GLT1D1: variants seen among roughly 807,000 people sequenced by gnomAD.
The protein encoded by GLT1D1 is glycosyltransferase 1 domain containing 1, also known as glycosyltransferase 1 domain-containing protein 1.
A neutral mutation model predicts 28.7 loss-of-function variants in GLT1D1; 21 were observed. The observed-to-expected ratio is 0.73, with a 90% CI of 0.52 to 1.05. The LOEUF (loss-of-function observed/expected upper bound fraction) is 1.05, where lower values mean the gene tolerates loss of function less well. Ranked by LOEUF, GLT1D1 falls within the 50% of genes least tolerant of loss-of-function variation. The pLI, the probability that GLT1D1 is intolerant of heterozygous loss-of-function variation, is 0.00. For missense variants in GLT1D1, 343 were observed against 330.6 expected (o/e 1.04, Z -0.29); for synonymous variants, 147 against 124.8 (o/e 1.18, Z -1.19).
rs536054058 is a variant in GLT1D1 at position 128,958,279 on chromosome 12, C to T, written c.639+636C>T. 2.0e-5 allele frequency among the ~76,000 whole-genome samples: 3 copies of T among 152,254 alleles called. No homozygotes were observed. The South Asian group carries it at 6.2e-4, about 32-fold the overall frequency. On this transcript the variant is annotated intron_variant, in intron 7 of 7. Transcript: ENST00000281703. ...CTGAGTGCCTCCTGCAGAGAGTGAC[C>T]CTGGCCGAGTCTCCAAGCCCCACTT... is the stretch of plus-strand genomic sequence containing the variant.
At chr12:128,927,597 C>T (rs565864449) in intron 4 of GLT1D1, among the ~76,000 whole-genome samples, 1 of 152,070 alleles carries the variant, frequency 6.6e-6, no homozygotes, top group South Asian at 2.1e-4. Flanking sequence ...AGTCAATTTG[C>T]CTCTTAAAAA....
chr12:128,947,685 A>G (rs1248915101), intron 6 of GLT1D1, among the ~76,000 whole-genome samples: 1 of 152,220 alleles, frequency 6.6e-6, no homozygotes, highest in Admixed American at 6.5e-5. Context: ...GCTACGATGT[A>G]AAATAAAACT....
chr12:128,879,337 T>G (rs1956945831), intron 2 of GLT1D1, among the ~76,000 whole-genome samples: 1 of 151,984 alleles, frequency 6.6e-6, no homozygotes, highest in Non-Finnish European at 1.5e-5. Context: ...AGTTGTCAAG[T>G]TGTGTCATTT....
At chr12:128,964,815 C>T (rs959946939) in intron 7 of GLT1D1, among the ~76,000 whole-genome samples, 4 of 152,142 alleles carry the variant, frequency 2.6e-5, no homozygotes, top group Non-Finnish European at 5.9e-5. Flanking sequence ...AAGGAAGGGA[C>T]GTTGAGCTGG....
intron 1 of GLT1D1, among the ~76,000 whole-genome samples, chr12:128,853,994 C>T (rs796139610): frequency 5.3e-5 from 8 of 152,084 alleles, no homozygotes; most frequent in African/African-American, 1.9e-4. Flanking sequence ...GGATGCGCAG[C>T]GGGGTCCGCG....
intron 7 of GLT1D1, among the ~76,000 whole-genome samples, chr12:128,969,583 C>T (rs1878832166): frequency 6.6e-6 from 1 of 152,184 alleles, no homozygotes; most frequent in South Asian, 2.1e-4. Flanking sequence ...CAAGGTGGGG[C>T]TCACTGCTCA....
At chr12:128,941,604 A>C (rs1593164927) in intron 4 of GLT1D1, among the ~76,000 whole-genome samples, 3 of 114,374 alleles carry the variant, frequency 2.6e-5, no homozygotes, top group Admixed American at 1.2e-4. Flanking sequence ...ACAGAGTCTC[A>C]CTCTGTTACC....
chr12:128,967,598 T>C (rs933532894), intron 7 of GLT1D1, among the ~76,000 whole-genome samples: 1 of 152,188 alleles, frequency 6.6e-6, no homozygotes. Context: ...CCGTGGAATA[T>C]GGAAAGCACT....
At chr12:128,890,064 G>A (rs534015278) in intron 3 of GLT1D1, among the ~76,000 whole-genome samples, 3 of 152,164 alleles carry the variant, frequency 2.0e-5, no homozygotes, top group Admixed American at 6.5e-5. Context: ...ATGAGATACC[G>A]TGCCCAGCCT....
intron 1 of GLT1D1, among the ~76,000 whole-genome samples, chr12:128,860,463 C>A (rs995952100): frequency 6.6e-6 from 1 of 152,116 alleles, no homozygotes; most frequent in African/African-American, 2.4e-5. Flanking sequence ...TCCGTCTCAA[C>A]AAAAAGAAAT....
intron 5 of GLT1D1, among the ~76,000 whole-genome samples, chr12:128,946,200 A>G (rs1226074354): frequency 6.6e-6 from 1 of 152,202 alleles, no homozygotes; most frequent in African/African-American, 2.4e-5. Context: ...GGGACGGGGA[A>G]GATCGAAGAA....
intron 7 of GLT1D1, among the ~76,000 whole-genome samples, chr12:128,973,445 G>A (rs1247613608): frequency 1.3e-5 from 2 of 149,568 alleles, no homozygotes; most frequent in African/African-American, 4.9e-5. Flanking sequence ...CACCCACCTC[G>A]GCCTCCCAGA....
chr12:128,903,240 C>T (rs377695778), intron 4 of GLT1D1, among the ~76,000 whole-genome samples: 13 of 151,792 alleles, frequency 8.6e-5, no homozygotes, highest in African/African-American at 3.2e-4. Context: ...GGTGGCCTCA[C>T]TTCCATGCCT....
rs537776773 is a variant in GLT1D1, at chr12:128,953,720, C to T, written c.541-3825C>T. On this transcript the variant is annotated intron_variant, in intron 6 of 7. Coordinates refer to ENST00000281703, the MANE Select transcript of GLT1D1 (RefSeq NM_144669.3). ...AAATTCCTTCCTTCTTTGGCCTGTG[C>T]GCACTAACAATGACTAAAATAGCTT... 1.3e-4 allele frequency among the ~76,000 whole-genome samples: 20 copies of T among 149,886 alleles called. No homozygotes were observed. In the East Asian group the frequency reaches 2.5e-3, roughly 19 times the overall value.
At chr12:128,862,944 G>A (rs1054757753) in intron 1 of GLT1D1, among the ~76,000 whole-genome samples, 24 of 152,204 alleles carry the variant, frequency 1.6e-4, no homozygotes, top group Non-Finnish European at 5.9e-5. Flanking sequence ...TGATGACAGA[G>A]AGAGGACTCT....
intron 3 of GLT1D1, among the ~76,000 whole-genome samples, chr12:128,897,444 T>C (rs1869769663): frequency 6.6e-6 from 1 of 152,178 alleles, no homozygotes; most frequent in Admixed American, 6.5e-5. Context: ...CTCCTTTTCA[T>C]ACCCTGCCTG....
chr12:128,868,889 A>G (rs1256233498), intron 1 of GLT1D1, among the ~76,000 whole-genome samples: 1 of 152,160 alleles, frequency 6.6e-6, no homozygotes, highest in Non-Finnish European at 1.5e-5. Flanking sequence ...CTTTTTTTTG[A>G]GATGGAGTCT....
rs144945558 is a variant in GLT1D1 at position 128,928,446 on chromosome 12, C to T, written c.376-16880C>T. 8.5e-4 allele frequency among the ~76,000 whole-genome samples: 129 copies of T among 152,196 alleles called. 1 individual carries two copies. Among genetic ancestry groups the T allele is most frequent in the African/African-American group, 2.9e-3 (121 of 41,526 alleles). On this transcript the variant is annotated intron_variant, in intron 4 of 7. Transcript: ENST00000281703. ...ACACGTGCTGTGTTCCACGCCAGTC[C>T]TAATAGAAGTCCCAAGGGCTTAGGA...
At chr12:128,856,659 T>A (rs1157645049) in intron 1 of GLT1D1, among the ~76,000 whole-genome samples, 1 of 151,504 alleles carries the variant, frequency 6.6e-6, no homozygotes, top group Non-Finnish European at 1.5e-5. Flanking sequence ...CTATAGAGAG[T>A]TTGGGGCCAG....
Sources: allele counts gnomAD v4.1 joint callset (sites outside exome capture counted in the v4.1 genomes callset), GRCh38; gene constraint gnomAD v4.1.1; transcripts MANE v1.5; gene names NCBI Gene and HGNC (gene_info 2026-07-23, HGNC 2026-07-21).